The following TNNT2 variants were observed in gnomAD, a reference collection of about 807,000 sequenced individuals.
TNNT2 encodes the protein troponin T2, cardiac type, also known as troponin T, cardiac muscle.
Under a neutral mutation model 62.4 loss-of-function variants are expected in TNNT2, and 34 were observed. That is an observed-to-expected ratio of 0.54 (90% CI 0.41 to 0.72). TNNT2 has a LOEUF of 0.72. Ranked by LOEUF, TNNT2 falls within the 30% of genes least tolerant of loss-of-function variation. TNNT2 has a pLI of 0.00. For synonymous variants in TNNT2, 123 were observed against 127.2 expected, an observed-to-expected ratio of 0.97 and a Z score of 0.22; for missense variants, 275 against 381.9, an observed-to-expected ratio of 0.72 and a Z score of 2.33.
At chr1:201,373,578 A>G in intron 1 of TNNT2, 1 of 422,508 alleles carries the variant, frequency 2.4e-6, no homozygotes, top group Admixed American at 3.5e-5. Flanking sequence ...CAACCTTTCC[A>G]TCCACTCTGC....
chr1:201,366,107 T>A, intron 8 of TNNT2: 5 of 1,102,454 alleles, frequency 4.5e-6, no homozygotes, highest in Non-Finnish European at 4.4e-6. Flanking sequence ...CAACACATAC[T>A]GAGACCCAGG....
intron 1 of TNNT2, 120 bp from the exon 2 acceptor site, chr1:201,373,388 A>G (rs1483830042): frequency 6.9e-6 from 6 of 869,554 alleles, no homozygotes; most frequent in African/African-American, 1.6e-5. Context: ...TCCACCCCTC[A>G]TGAGCTGTGT....
chr1:201,371,734 G>T (rs1453712886), intron 4 of TNNT2, among the ~76,000 whole-genome samples: 2 of 152,048 alleles, frequency 1.3e-5, no homozygotes, highest in African/African-American at 4.8e-5. Flanking sequence ...CTACCTTTAT[G>T]TGCATTTAAA....
At chr1:201,371,631 G>T (rs1281147075) in intron 4 of TNNT2, among the ~76,000 whole-genome samples, 1 of 152,122 alleles carries the variant, frequency 6.6e-6, no homozygotes, top group East Asian at 1.9e-4. Flanking sequence ...GTGGAAGGTG[G>T]AGTATAGAGG....
chr1:201,365,488 G>T, intron 9 of TNNT2, 122 bp downstream of exon 9: 2 of 1,262,222 alleles, frequency 1.6e-6, no homozygotes, highest in South Asian at 1.2e-5. Flanking sequence ...ACCCAGCCTG[G>T]CTGGTGCTGC....
rs1425237593 is a variant in TNNT2 at position 201,373,207 on chromosome 1, TACTC to T, written c.41+3_41+6del. The T allele has an allele frequency of 1.2e-6, 2 of 1,614,074 alleles. No individual in the cohort carries two copies. The highest frequency in any genetic ancestry group is 1.7e-6 in the Non-Finnish European group (2 of 1,179,954). ...CCCCACTCAGGCAAGATGCTCCAGA[TACTC>T]ACTCCTCCTCGTACTCTTCCACCAC... On this transcript the variant is annotated splice_donor_5th_base_variant and intron_variant, in intron 2 of 16. Coordinates refer to ENST00000656932, the MANE Select transcript of TNNT2 (RefSeq NM_001276345.2).
chr1:201,361,400 C>G (rs1658606204), intron 14 of TNNT2, 31 bp from the exon 15 acceptor site: 2 of 1,601,922 alleles, frequency 1.2e-6, no homozygotes, highest in Non-Finnish European at 8.6e-7. Flanking sequence ...ATGGGGAGGT[C>G]CAGTAAGAAA....
At chr1:201,363,702 A>G (rs186729662) in intron 11 of TNNT2, 10 of 442,242 alleles carry the variant, frequency 2.3e-5, no homozygotes, top group Non-Finnish European at 4.2e-5. Flanking sequence ...GCTGCACAGG[A>G]AGAGAGCTAC....
rs200604266 is a variant in TNNT2, at chr1:201,364,337, G to A, written c.450C>T (p.Ile150=). 66 of 1,613,306 alleles carry A rather than the reference G, an allele frequency of 4.1e-5. No individual in the cohort carries two copies. Among genetic ancestry groups the A allele is most frequent in the Non-Finnish European group, 5.3e-5 (62 of 1,179,986 alleles). The change falls in exon 11 of 17, where the codon ATC becomes ATT. Residue 150 remains isoleucine (I), a synonymous_variant. Transcript: ENST00000656932. ...GCCGCTCCTTCTCCCGCTCATTCCGGATGCGCTGCTGCTCGGCCCGCTCTG... is the reference window on the plus strand; with the variant it reads ...GCCGCTCCTTCTCCCGCTCATTCCGAATGCGCTGCTGCTCGGCCCGCTCTG... ...RRAERAEQQR[I]RNEREKERQN... is the part of the protein sequence containing the mutation.
chr1:201,373,060 G>C (rs762639853), intron 2 of TNNT2, 154 bp downstream of exon 2: 45 of 801,200 alleles, frequency 5.6e-5, no homozygotes, highest in Non-Finnish European at 7.8e-5. Context: ...GTACAGGAGT[G>C]GAAAGGAAAT....
At chr1:201,366,475 G>T (rs1659686255) in intron 8 of TNNT2, 1 of 1,167,288 alleles carries the variant, frequency 8.6e-7, no homozygotes, top group South Asian at 2.1e-5. Flanking sequence ...CGGTTTCATT[G>T]TTTGGCTCCC....
rs993058514 is a variant in TNNT2, at chr1:201,363,765, AGT to A, written c.490-361_490-360del. On this transcript the variant is annotated intron_variant, in intron 11 of 16. Coordinates refer to ENST00000656932, the MANE Select transcript of TNNT2 (RefSeq NM_001276345.2). ...ACTGGGGAAGGGATGAGGGCTGGAG[AGT>A]CTTATAAAATAACACGTTCATAAGG... 7 of 345,714 alleles carry A rather than the reference AGT, an allele frequency of 2.0e-5. No individual in the cohort carries two copies. In the Admixed American group the frequency reaches 2.2e-4, roughly 11 times the overall value. The allele number at this position is 345,714 out of a possible 1,614,324, so 21.4% of individuals were successfully genotyped here.
chr1:201,359,190 T>G lies in TNNT2; in HGVS notation c.*20A>C. 1 of 1,606,224 alleles carries G rather than the reference T, an allele frequency of 6.2e-7. No homozygotes were observed. Among genetic ancestry groups the G allele is most frequent in the African/African-American group, 1.3e-5 (1 of 74,936 alleles). ...GCAGGTGCGAGCGAGGAGCAGATCT[T>G]TGGTGAAGGAGGCCAGGCTCTATTT... On this transcript the variant is annotated 3_prime_UTR_variant, in exon 17 of 17. Transcript: ENST00000656932.
rs397516482 is a variant in TNNT2 at position 201,361,286 on chromosome 1, T to A, written c.803A>T (p.Lys268Ile). ...GACAGCATGGCGGCCCACCTCATAT[T>A]TCTGCTGCTTGAACTTCTCCTGCAG... is the stretch of plus-strand genomic sequence containing the variant. The part of the protein sequence containing the change: ...FDLQEKFKQQ[K>I]YEINVLRNRI... Residue 268 changes from lysine (K) to isoleucine (I), a missense_variant, in exon 15 of 17, where the codon AAA (lysine) becomes ATA (isoleucine). Lys to Ile is a moderately radical substitution (Grantham distance 102). Coordinates refer to ENST00000656932, the MANE Select transcript of TNNT2 (RefSeq NM_001276345.2). The A allele has an allele frequency of 6.2e-7, 1 of 1,613,990 alleles. No individual in the cohort carries two copies. Among genetic ancestry groups the A allele is most frequent in the Non-Finnish European group, 8.5e-7 (1 of 1,179,984 alleles).
rs727503516 is a variant in TNNT2 at position 201,373,216 on chromosome 1, C to T, written c.39G>A (p.Glu13=). Residue 13 remains glutamate (E), a splice_region_variant and synonymous_variant, in exon 2 of 17, where the codon GAG becomes GAA. Transcript: ENST00000656932. ...GGCAAGATGCTCCAGATACTCACTC[C>T]TCCTCGTACTCTTCCACCACCTCTT... ...DIEEVVEEYE[E]EEQEEAAVEE... is the part of the protein sequence containing the mutation. The T allele has an allele frequency of 2.5e-6, 4 of 1,614,060 alleles. No homozygotes were observed. Among genetic ancestry groups the T allele is most frequent in the Non-Finnish European group, 3.4e-6 (4 of 1,180,020 alleles).
rs890617980 is a variant in TNNT2 at position 201,373,390 on chromosome 1, G to A, written c.-14-122C>T. 48 of 857,960 alleles carry A rather than the reference G, an allele frequency of 5.6e-5. No homozygotes were observed. In the Middle Eastern group the frequency reaches 1.1e-3, roughly 20 times the overall value. The allele number at this position is 857,960 out of a possible 1,614,324, so 53.1% of individuals were successfully genotyped here. A position where few individuals can be genotyped will look rare whatever the true frequency, so the allele number is the denominator to read the frequency against. On this transcript the variant is annotated intron_variant, in intron 1 of 16. Coordinates refer to ENST00000656932, the MANE Select transcript of TNNT2 (RefSeq NM_001276345.2). Reference sequence around the variant, plus strand: ...GGGTGAATCTAGTTCCACCCCTCATGAGCTGTGTGACCTGCAACAAAAAGC... The same window carrying A: ...GGGTGAATCTAGTTCCACCCCTCATAAGCTGTGTGACCTGCAACAAAAAGC...
At chr1:201,369,930 C>T in intron 4 of TNNT2, 85 bp from the exon 5 acceptor site, 3 of 1,495,180 alleles carry the variant, frequency 2.0e-6, no homozygotes, top group Non-Finnish European at 2.8e-6. Context: ...GGAGCAGCCA[C>T]CCAGCGCAGT....
At chr1:201,373,131 G>T (rs188602527) in intron 2 of TNNT2, 83 bp downstream of exon 2, 1 of 1,373,980 alleles carries the variant, frequency 7.3e-7, no homozygotes, top group Non-Finnish European at 1.0e-6. Flanking sequence ...AGAATCCGAG[G>T]GACAGCTGGG....
intron 1 of TNNT2, chr1:201,373,613 T>C: frequency 2.6e-6 from 1 of 382,172 alleles, no homozygotes; most frequent in African/African-American, 2.1e-5. Flanking sequence ...CAGGATCTGT[T>C]CAGCACTGTA....
Sources: gnomAD v4.1 joint callset for allele counts (sites outside exome capture counted in the v4.1 genomes callset) on GRCh38, gnomAD v4.1.1 for gene constraint, MANE v1.5 for transcripts, NCBI Gene and HGNC (gene_info 2026-07-23, HGNC 2026-07-21) for gene names.